Variants in TGFBR1 observed in about 807,000 individuals in gnomAD.
TGFBR1 encodes TGF-beta receptor type-1.
A neutral mutation model predicts 55.1 loss-of-function variants in TGFBR1; 20 were observed. The ratio of observed to expected loss-of-function variants is 0.36; its 90% CI spans 0.26 to 0.53. TGFBR1 has a LOEUF of 0.53. Among genes scored for constraint, TGFBR1 ranks in the 20% least tolerant of loss-of-function variants. The probability of loss-of-function intolerance (pLI) is 0.91; values close to 1 mark genes in which losing one functional copy is unlikely to be tolerated. For missense variants in TGFBR1, 385 were observed against 617.6 expected (o/e 0.62, Z 3.99); for synonymous variants, 220 against 214.8 (o/e 1.02, Z -0.21).
chr9:99,138,139 A>C (rs775654182), intron 4 of TGFBR1, 50 bp downstream of exon 4: 2 of 1,511,528 alleles, frequency 1.3e-6, no homozygotes. Context: ...GATCTCTTTA[A>C]GTCTTTACAG....
intron 2 of TGFBR1, among the ~76,000 whole-genome samples, chr9:99,130,908 A>G (rs1267214794): frequency 6.6e-6 from 1 of 152,200 alleles, no homozygotes; most frequent in Non-Finnish European, 1.5e-5. Context: ...GAGAGCGAAC[A>G]ACAGACTGGA....
chr9:99,108,503 G>T (rs1012174683), intron 1 of TGFBR1, among the ~76,000 whole-genome samples: 1 of 152,192 alleles, frequency 6.6e-6, no homozygotes, highest in African/African-American at 2.4e-5. Context: ...TCTATAGGGA[G>T]GCATTAGTAT....
chr9:99,103,729 C>G (rs567788878), upstream of TGFBR1, among the ~76,000 whole-genome samples: 1 of 152,296 alleles, frequency 6.6e-6, no homozygotes, highest in Non-Finnish European at 1.5e-5. Flanking sequence ...GAAAGGTTAG[C>G]TGACTTGCTT....
At position 99,105,190 on chromosome 9, in the gene TGFBR1, C is replaced by T. The variant is rs1261803404; in HGVS notation, c.-16C>T. On this transcript the variant is annotated 5_prime_UTR_variant, in exon 1 of 9. Transcript: ENST00000374994. Reference sequence around the variant, plus strand: ...CGGCCGGGCCGGGCCGGGCCACAGGCGGTGGCGGCGGGACCATGGAGGCGG... The same window carrying T: ...CGGCCGGGCCGGGCCGGGCCACAGGTGGTGGCGGCGGGACCATGGAGGCGG... 5.5e-6 allele frequency: 6 copies of T among 1,083,004 alleles called. No homozygotes were observed. The East Asian group carries it at 1.6e-4, about 29-fold the overall frequency. The allele number at this position is 1,083,004 out of a possible 1,614,324, so 67.1% of individuals were successfully genotyped here.
At chr9:99,124,183 C>T (rs1826970233) in intron 1 of TGFBR1, among the ~76,000 whole-genome samples, 1 of 152,138 alleles carries the variant, frequency 6.6e-6, no homozygotes, top group Non-Finnish European at 1.5e-5. Context: ...TTGATAATCT[C>T]TTCTACCGCA....
At chr9:99,134,672 A>G (rs920953530) in intron 3 of TGFBR1, among the ~76,000 whole-genome samples, 8 of 151,494 alleles carry the variant, frequency 5.3e-5, no homozygotes, top group Admixed American at 4.6e-4. Flanking sequence ...GCCACTTGCC[A>G]CAGTGGAATA....
At chr9:99,132,849 T>C (rs1827288136) in intron 3 of TGFBR1, 110 bp downstream of exon 3, 2 of 1,414,106 alleles carry the variant, frequency 1.4e-6, no homozygotes, top group Admixed American at 2.0e-5. Flanking sequence ...ATAGTATAAA[T>C]AATATTGCAG....
At chr9:99,143,038 A>G (rs1334942097) in intron 5 of TGFBR1, among the ~76,000 whole-genome samples, 1 of 152,192 alleles carries the variant, frequency 6.6e-6, no homozygotes, top group Admixed American at 6.5e-5. Context: ...CCAGCTGAGT[A>G]ATAGAGAGAG....
At chr9:99,143,546 A>G (rs1382620036) in intron 5 of TGFBR1, among the ~76,000 whole-genome samples, 1 of 152,234 alleles carries the variant, frequency 6.6e-6, no homozygotes, top group East Asian at 1.9e-4. Flanking sequence ...GTCCACTTGC[A>G]ACCCAATGGC....
chr9:99,131,166 A>G (rs1051397562), intron 2 of TGFBR1, among the ~76,000 whole-genome samples: 20 of 152,194 alleles, frequency 1.3e-4, no homozygotes, highest in African/African-American at 1.4e-4. Context: ...TAAAAGAATT[A>G]TATAAGCATT....
chr9:99,113,274 A>C (rs1158246471), intron 1 of TGFBR1, among the ~76,000 whole-genome samples: 2 of 152,202 alleles, frequency 1.3e-5, no homozygotes, highest in Non-Finnish European at 2.9e-5. Flanking sequence ...CCTAGGCCTC[A>C]GGTCATGGTT....
rs201855724 is a variant in TGFBR1 at position 99,149,405 on chromosome 9, G to T, written c.*100G>T. On this transcript the variant is annotated 3_prime_UTR_variant, in exon 9 of 9. Coordinates refer to ENST00000374994, the MANE Select transcript of TGFBR1 (RefSeq NM_004612.4). The stretch of plus-strand genomic sequence containing the variant: ...CTACCTCACTGAGAGGGAACAGAAG[G>T]ATATTGCTTCCTTTTGCAGCAGTGT... 24 of 1,519,526 alleles carry T rather than the reference G, an allele frequency of 1.6e-5. No individual in the cohort carries two copies. Among genetic ancestry groups the T allele is most frequent in the Non-Finnish European group, 2.1e-5 (23 of 1,097,406 alleles). 94.1% of individuals were successfully genotyped at this position (1,519,526 alleles called of 1,614,324 possible).
intron 1 of TGFBR1, among the ~76,000 whole-genome samples, chr9:99,123,015 T>C (rs1019623813): frequency 6.6e-6 from 1 of 152,146 alleles, no homozygotes; most frequent in African/African-American, 2.4e-5. Flanking sequence ...ATATAAAGCA[T>C]ATATGAAACA....
intron 1 of TGFBR1, among the ~76,000 whole-genome samples, chr9:99,115,198 T>C (rs899874726): frequency 6.6e-6 from 1 of 152,174 alleles, no homozygotes; most frequent in African/African-American, 2.4e-5. Flanking sequence ...TTTTCCTTTT[T>C]TCTGCAGTTG....
intron 1 of TGFBR1, among the ~76,000 whole-genome samples, chr9:99,117,409 G>C (rs1244891121): frequency 2.6e-5 from 4 of 151,810 alleles, no homozygotes; most frequent in Non-Finnish European, 5.9e-5. Flanking sequence ...TCAATTTTTT[G>C]CTTTAAGTTA....
At chr9:99,136,208 G>A (rs1227022051) in intron 3 of TGFBR1, among the ~76,000 whole-genome samples, 1 of 152,120 alleles carries the variant, frequency 6.6e-6, no homozygotes, top group Admixed American at 6.6e-5. Flanking sequence ...ATCCAATATA[G>A]ATAATACAGT....
At chr9:99,122,859 A>G (rs553932873) in intron 1 of TGFBR1, among the ~76,000 whole-genome samples, 176 of 152,276 alleles carry the variant, frequency 1.2e-3, no homozygotes, top group Non-Finnish European at 2.1e-3. Context: ...ATACAAGTCA[A>G]ACATCCCAAT....
At chr9:99,128,110 A>G in intron 1 of TGFBR1, 1 of 430,052 alleles carries the variant, frequency 2.3e-6, no homozygotes, top group Admixed American at 2.5e-5. Flanking sequence ...GCTTCCCTAA[A>G]GAGGTCACTC....
intron 5 of TGFBR1, among the ~76,000 whole-genome samples, chr9:99,144,416 C>A (rs182565031): frequency 2.6e-4 from 39 of 152,282 alleles, no homozygotes; most frequent in African/African-American, 9.1e-4. Flanking sequence ...GCTGGAATAT[C>A]AGTCTATGGC....
Sources: gnomAD v4.1 joint callset for allele counts (sites outside exome capture counted in the v4.1 genomes callset) on GRCh38, gnomAD v4.1.1 for gene constraint, MANE v1.5 for transcripts, NCBI Gene and HGNC (gene_info 2026-07-23, HGNC 2026-07-21) for gene names.